Variants in PAPPA2 observed in about 807,000 individuals in gnomAD.
PAPPA2 encodes pappalysin 2.
In PAPPA2, 86 loss-of-function variants were observed where a neutral mutation model predicts 176.4. That is an observed-to-expected ratio of 0.49 (90% CI 0.41 to 0.58). The LOEUF (loss-of-function observed/expected upper bound fraction) is 0.58, where lower values mean the gene tolerates loss of function less well. PAPPA2 is among the 20% of genes least tolerant of loss of function. The pLI, the probability that PAPPA2 is intolerant of heterozygous loss-of-function variation, is 0.00. For missense variants in PAPPA2, 2,073 were observed against 2,256.9 expected, an observed-to-expected ratio of 0.92 and a Z score of 1.65; for synonymous variants, 809 against 852.2, an observed-to-expected ratio of 0.95 and a Z score of 0.88.
chr1:176,548,483 A>G (rs1479689094), intron 1 of PAPPA2, among the ~76,000 whole-genome samples: 3 of 152,144 alleles, frequency 2.0e-5, no homozygotes, highest in Non-Finnish European at 4.4e-5. Flanking sequence ...AGATCTTTCC[A>G]TTACTCCAGA....
At chr1:176,824,356 C>A (rs1666775884) in intron 21 of PAPPA2, among the ~76,000 whole-genome samples, 1 of 152,162 alleles carries the variant, frequency 6.6e-6, no homozygotes, top group Admixed American at 6.5e-5. Flanking sequence ...GCCACACACA[C>A]AATCAAATTT....
intron 3 of PAPPA2, among the ~76,000 whole-genome samples, chr1:176,605,356 G>T (rs928589823): frequency 6.6e-6 from 1 of 152,162 alleles, no homozygotes; most frequent in Non-Finnish European, 1.5e-5. Flanking sequence ...GCAGAAACTG[G>T]ATTTATTGTA....
At chr1:176,572,498 C>T (rs2102615565) in intron 2 of PAPPA2, among the ~76,000 whole-genome samples, 1 of 152,244 alleles carries the variant, frequency 6.6e-6, no homozygotes, top group Non-Finnish European at 1.5e-5. Flanking sequence ...GACTCTGAGC[C>T]TTTAGGTTCT....
At chr1:176,497,280 A>T (rs758786249) in intron 1 of PAPPA2, among the ~76,000 whole-genome samples, 8 of 152,306 alleles carry the variant, frequency 5.3e-5, no homozygotes, top group Admixed American at 1.3e-4. Context: ...TTCTACGACC[A>T]CCTAATGCAG....
At position 176,692,330 on chromosome 1, in the gene PAPPA2, A is replaced by G. The variant is rs540648029; in HGVS notation, c.2624+12A>G. The G allele has an allele frequency of 6.3e-7, 1 of 1,594,428 alleles. No homozygotes were observed. The highest frequency in any genetic ancestry group is 2.2e-5 in the East Asian group (1 of 44,506). On this transcript the variant is annotated intron_variant, in intron 6 of 22. Transcript: ENST00000367662. ...GTTGTATATGACAGGTGAGAGAGGC[A>G]CTGGCTGTGGGTGAGCTGGCTTATT...
At chr1:176,463,442 T>A (rs1013693294) in intron 1 of PAPPA2, 24 bp downstream of exon 1, 7 of 152,278 alleles carry the variant, frequency 4.6e-5, no homozygotes, top group African/African-American at 1.7e-4. Flanking sequence ...GTGTCACTAC[T>A]ATTACCATAG....
intron 12 of PAPPA2, among the ~76,000 whole-genome samples, chr1:176,720,907 G>A (rs1166162612): frequency 1.3e-5 from 2 of 152,170 alleles, no homozygotes; most frequent in Non-Finnish European, 2.9e-5. Context: ...GAGTTCTGAT[G>A]CCCAAGGGGA....
chr1:176,489,916 T>A (rs1045705191), intron 1 of PAPPA2, among the ~76,000 whole-genome samples: 6 of 152,286 alleles, frequency 3.9e-5, no homozygotes, highest in African/African-American at 1.4e-4. Context: ...GGACCTAGCA[T>A]GTGGTATATA....
intron 1 of PAPPA2, among the ~76,000 whole-genome samples, chr1:176,514,000 C>G (rs1648762473): frequency 6.6e-6 from 1 of 152,132 alleles, no homozygotes; most frequent in African/African-American, 2.4e-5. Context: ...GGGATGGAGG[C>G]TTATTACCAC....
intron 17 of PAPPA2, among the ~76,000 whole-genome samples, chr1:176,776,842 T>C (rs888893862): frequency 6.7e-6 from 1 of 150,324 alleles, no homozygotes; most frequent in Non-Finnish European, 1.5e-5. Flanking sequence ...GTAAAATATA[T>C]TATTATATAA....
chr1:176,518,015 A>G (rs185594049), intron 1 of PAPPA2, among the ~76,000 whole-genome samples: 1 of 152,310 alleles, frequency 6.6e-6, no homozygotes, highest in Non-Finnish European at 1.5e-5. Flanking sequence ...AAGGGCTCGA[A>G]TAGAACTTAG....
intron 21 of PAPPA2, among the ~76,000 whole-genome samples, chr1:176,822,939 A>G (rs533517961): frequency 2.0e-5 from 3 of 152,328 alleles, no homozygotes; most frequent in South Asian, 2.1e-4. Flanking sequence ...AATTAAGGTA[A>G]TAACCACCAA....
chr1:176,688,548 C>A (rs1050155439), intron 4 of PAPPA2, among the ~76,000 whole-genome samples: 2 of 151,972 alleles, frequency 1.3e-5, no homozygotes, highest in African/African-American at 2.4e-5. Flanking sequence ...AACCTTATAA[C>A]AAAAGAGAAA....
At chr1:176,537,115 A>G (rs1315144697) in intron 1 of PAPPA2, among the ~76,000 whole-genome samples, 2 of 152,170 alleles carry the variant, frequency 1.3e-5, no homozygotes, top group Non-Finnish European at 2.9e-5. Flanking sequence ...ATATTTTCCT[A>G]GAGATTTGTT....
At chr1:176,599,933 A>C (rs1654214920) in intron 3 of PAPPA2, among the ~76,000 whole-genome samples, 1 of 152,140 alleles carries the variant, frequency 6.6e-6, no homozygotes, top group South Asian at 2.1e-4. Flanking sequence ...CTTTCTTCTC[A>C]GCTCTCTTAT....
rs372370598 is a variant in PAPPA2, at chr1:176,671,139, T to C, written c.2137+24T>C. On this transcript the variant is annotated intron_variant, in intron 4 of 22. Coordinates refer to ENST00000367662, the MANE Select transcript of PAPPA2 (RefSeq NM_020318.3). ...GGGTAAGTGAAATGAAGACCAAACA[T>C]AGTAGGAAAAAAACAAAGAAGGCTG... 2.6e-4 allele frequency: 420 copies of C among 1,606,886 alleles called. 2 individuals carry two copies. The South Asian group carries it at 4.5e-3, about 17-fold the overall frequency.
In PAPPA2 at chr1:176,534,825, G is replaced by A. The variant is rs570171317; in HGVS notation, c.-916-20582G>A. ...AGTATATAGAGATGTGGCTTTGAGG[G>A]TATCTTGAAAGAAGAATGAAGGAGA... On this transcript the variant is annotated intron_variant, in intron 1 of 22. Coordinates refer to ENST00000367662, the MANE Select transcript of PAPPA2 (RefSeq NM_020318.3). 1.6e-4 allele frequency among the ~76,000 whole-genome samples: 24 copies of A among 152,264 alleles called. No homozygotes were observed. In the South Asian group the frequency reaches 3.7e-3, roughly 24 times the overall value.
rs1646402261 is a variant in PAPPA2, at chr1:176,845,142, C to T, written c.*2688C>T. 1 of 152,200 alleles carries T rather than the reference C, an allele frequency of 6.6e-6. No individual in the cohort carries two copies. The highest frequency in any genetic ancestry group is 1.5e-5 in the Non-Finnish European group (1 of 68,046). 9.4% of individuals were successfully genotyped at this position (152,200 alleles called of 1,614,324 possible). On this transcript the variant is annotated 3_prime_UTR_variant, in exon 23 of 23. Coordinates refer to ENST00000367662, the MANE Select transcript of PAPPA2 (RefSeq NM_020318.3). Reference sequence around the variant, plus strand: ...CACAGATCCCAGCAACATCAACTCACACTCAATCCATGTGGTGGTCCACAT... The same window carrying T: ...CACAGATCCCAGCAACATCAACTCATACTCAATCCATGTGGTGGTCCACAT...
In PAPPA2 at chr1:176,595,128, AT is replaced by A; in HGVS notation, c.1526del (p.Leu509Ter). 6.2e-7 allele frequency: 1 copy of A among 1,614,154 alleles called. No homozygotes were observed. The highest frequency in any genetic ancestry group is 8.5e-7 in the Non-Finnish European group (1 of 1,180,020). On this transcript the variant is annotated frameshift_variant, in exon 3 of 23. Coordinates refer to ENST00000367662, the MANE Select transcript of PAPPA2 (RefSeq NM_020318.3). LOFTEE classifies it high-confidence loss of function. ...GGCAAACAGTCTGTGACAATGTGGA[AT>A]TGATCTCCCAGTACAATGGATACTG... is the stretch of plus-strand genomic sequence containing the variant. ...CGQTVCDNVE[L>X]ISQYNGYWPL...
Sources: gnomAD v4.1 joint callset for allele counts (sites outside exome capture counted in the v4.1 genomes callset) on GRCh38, gnomAD v4.1.1 for gene constraint, MANE v1.5 for transcripts, NCBI Gene and HGNC (gene_info 2026-07-23, HGNC 2026-07-21) for gene names.